The following CHRNA3 variants were observed in gnomAD, a reference collection of about 807,000 sequenced individuals.
The protein encoded by CHRNA3 is cholinergic receptor nicotinic alpha 3 subunit, also known as neuronal acetylcholine receptor subunit alpha-3.
In CHRNA3, 34 loss-of-function variants were observed where a neutral mutation model predicts 41.9. The observed-to-expected ratio is 0.81, with a 90% CI of 0.62 to 1.08. The LOEUF (loss-of-function observed/expected upper bound fraction) is 1.08. Among genes scored for constraint, CHRNA3 ranks in the 50% least tolerant of loss-of-function variants. The pLI is 0.00. For missense variants in CHRNA3, 542 were observed against 638.3 expected (o/e 0.85, Z 1.63); for synonymous variants, 281 against 265.2 (o/e 1.06, Z -0.58).
At position 78,601,328 on chromosome 15, in the gene CHRNA3, T is replaced by C. The variant is rs201890422; in HGVS notation, c.1314A>G (p.Ser438=). 6.2e-7 allele frequency: 1 copy of C among 1,614,212 alleles called. No homozygotes were observed. Residue 438 remains serine, a synonymous_variant, in exon 5 of 6, where the codon TCA becomes TCG. Transcript: ENST00000326828. ...TTTGGATGGCTTCTTTGATTTCTGG[T>C]GACAAAGCAGAGAGGGACAGCACAG... ...VDAVLSLSAL[S]PEIKEAIQSV... is the part of the protein sequence containing the mutation.
chr15:78,604,845 T>G (rs572374699), intron 4 of CHRNA3, among the ~76,000 whole-genome samples: 1 of 152,256 alleles, frequency 6.6e-6, no homozygotes, highest in Admixed American at 6.5e-5. Flanking sequence ...AAACCCCATC[T>G]CTACTAAAAA....
chr15:78,598,832 G>A (rs1016839736), intron 5 of CHRNA3, among the ~76,000 whole-genome samples: 23 of 141,728 alleles, frequency 1.6e-4, no homozygotes, highest in African/African-American at 4.5e-4. Flanking sequence ...CACTGCACCC[G>A]GCATTTTTTT....
rs770085955 is a variant in CHRNA3, at chr15:78,601,360, C to T, written c.1282G>A (p.Val428Ile). The T allele has an allele frequency of 3.1e-6, 5 of 1,614,088 alleles. No individual in the cohort carries two copies. The highest frequency in any genetic ancestry group is 3.4e-6 in the Non-Finnish European group (4 of 1,180,054). ...GCAGAGAGGGACAGCACAGCATCAA[C>T]AGATTCAGAACTAGAGCTTCTCGTG... ...NLTRSSSSES[V>I]DAVLSLSALS... is the part of the protein sequence containing the mutation. Residue 428 changes from valine to isoleucine, a missense_variant, in exon 5 of 6, where the codon GTT becomes ATT. Physicochemically the swap from Val to Ile is conservative, Grantham distance 29. Coordinates refer to ENST00000326828, the MANE Select transcript of CHRNA3 (RefSeq NM_000743.5).
At chr15:78,616,644 C>A (rs2053467004) in intron 4 of CHRNA3, among the ~76,000 whole-genome samples, 1 of 152,162 alleles carries the variant, frequency 6.6e-6, no homozygotes, top group Non-Finnish European at 1.5e-5. Context: ...ACAGTCCAGC[C>A]AATGAGGTCA....
chr15:78,614,764 C>T (rs1158581581), intron 4 of CHRNA3, among the ~76,000 whole-genome samples: 1 of 152,060 alleles, frequency 6.6e-6, no homozygotes, highest in Non-Finnish European at 1.5e-5. Context: ...AATGCAGGTA[C>T]AAAAATGATA....
chr15:78,596,567 A>G lies in CHRNA3; in HGVS notation c.*37T>C, dbSNP rs1369452110. On this transcript the variant is annotated 3_prime_UTR_variant, in exon 6 of 6. Transcript: ENST00000326828. Reference sequence around the variant, plus strand: ...GGAAGCAGCCTCCTCCTGCCCTGACACAAGGAAGTCTCCCAGGCAGGCACA... The same window carrying G: ...GGAAGCAGCCTCCTCCTGCCCTGACGCAAGGAAGTCTCCCAGGCAGGCACA... 6.7e-7 allele frequency: 1 copy of G among 1,491,554 alleles called. No homozygotes were observed. The highest frequency in any genetic ancestry group is 8.9e-7 in the Non-Finnish European group (1 of 1,121,742). 92.4% of individuals were successfully genotyped at this position (1,491,554 alleles called of 1,614,324 possible).
chr15:78,603,634 G>A (rs912538516), intron 4 of CHRNA3, among the ~76,000 whole-genome samples: 6 of 152,156 alleles, frequency 3.9e-5, no homozygotes, highest in African/African-American at 1.4e-4. Flanking sequence ...GTAATTGGAT[G>A]GGAACCTGTG....
downstream of CHRNA3, chr15:78,593,103 T>G (rs778479885): frequency 6.2e-7 from 1 of 1,605,790 alleles, no homozygotes. Context: ...TTGTTGAAGA[T>G]TGGAAATTCA....
At chr15:78,603,521 C>A (rs1044290225) in intron 4 of CHRNA3, among the ~76,000 whole-genome samples, 1 of 152,216 alleles carries the variant, frequency 6.6e-6, no homozygotes, top group African/African-American at 2.4e-5. Flanking sequence ...AGTTTCTTAG[C>A]CTTGTGAAGG....
intron 4 of CHRNA3, among the ~76,000 whole-genome samples, chr15:78,613,618 C>T (rs1596081685): frequency 6.6e-6 from 1 of 150,454 alleles, no homozygotes; most frequent in Admixed American, 6.6e-5. Flanking sequence ...ATACCTAATG[C>T]TAAATGACGA....
chr15:78,602,578 T>C (rs1271680241), intron 4 of CHRNA3, among the ~76,000 whole-genome samples: 2 of 152,018 alleles, frequency 1.3e-5, no homozygotes, highest in Non-Finnish European at 2.9e-5. Flanking sequence ...CCCCCTTTAA[T>C]TAAAGAAATG....
Position 78,595,440 on chromosome 15 carries a change from A to C in CHRNA3, c.*1164T>G. On this transcript the variant is annotated 3_prime_UTR_variant, in exon 6 of 6. Transcript: ENST00000326828. Reference sequence around the variant, plus strand: ...AGTGTAGTACATGATACTCTTAACAATTTGTCTAAAGCAATGTTTCTCAAC... The same window carrying C: ...AGTGTAGTACATGATACTCTTAACACTTTGTCTAAAGCAATGTTTCTCAAC... 1 of 984,750 alleles carries C rather than the reference A, an allele frequency of 1.0e-6. No individual in the cohort carries two copies. Among genetic ancestry groups the C allele is most frequent in the Non-Finnish European group, 1.2e-6 (1 of 829,332 alleles). The allele number at this position is 984,750 out of a possible 1,614,324, so 61.0% of individuals were successfully genotyped here. A position where few individuals can be genotyped will look rare whatever the true frequency, so the allele number is the denominator to read the frequency against.
chr15:78,604,648 CTG>C (rs1240097728), intron 4 of CHRNA3, among the ~76,000 whole-genome samples: 3 of 152,174 alleles, frequency 2.0e-5, no homozygotes, highest in East Asian at 1.9e-4. Flanking sequence ...CAGCTGGAGA[CTG>C]GGGTCTGGCA....
rs1405436685 is a variant in CHRNA3, at chr15:78,596,148, T to C, written c.*456A>G. 2 of 985,668 alleles carry C rather than the reference T, an allele frequency of 2.0e-6. No homozygotes were observed. The highest frequency in any genetic ancestry group is 2.3e-4 in the East Asian group (2 of 8,780). 61.1% of individuals were successfully genotyped at this position (985,668 alleles called of 1,614,324 possible). A position where few individuals can be genotyped will look rare whatever the true frequency, so the allele number is the denominator to read the frequency against. On this transcript the variant is annotated 3_prime_UTR_variant, in exon 6 of 6. Transcript: ENST00000326828. ...GACCCAGTAAAGAACGAGAAATGCA[T>C]GGTAAGAAATGGGTAACGATGGGGG...
intron 1 of CHRNA3, 89 bp downstream of exon 1, chr15:78,620,624 C>G: frequency 1.4e-6 from 2 of 1,436,330 alleles, no homozygotes; most frequent in South Asian, 2.8e-5. Flanking sequence ...TCCGCTCGCC[C>G]GCGCGGTGTT....
chr15:78,595,075 T>C (rs1328051640), downstream of CHRNA3: 1 of 153,756 alleles, frequency 6.5e-6, no homozygotes, highest in Admixed American at 6.5e-5. Context: ...CAATGCTCTT[T>C]GGAAGGCGGA....
intron 3 of CHRNA3, 198 bp downstream of exon 3, chr15:78,618,419 T>C (rs1244830152): frequency 1.6e-6 from 1 of 612,022 alleles, no homozygotes; most frequent in Non-Finnish European, 2.9e-6. Context: ...GGTTGGGCCC[T>C]ACAGTCCTTC....
chr15:78,619,004 T>A (rs988191155), intron 1 of CHRNA3, 89 bp from the exon 2 acceptor site: 2 of 1,435,244 alleles, frequency 1.4e-6, no homozygotes, highest in South Asian at 1.2e-5. Context: ...ATCTACAGCA[T>A]CCCCTCCACC....
At position 78,601,964 on chromosome 15, in the gene CHRNA3, C is replaced by G; in HGVS notation, c.678G>C (p.Glu226Asp). ...GCGAGTATGTGATGTCGGGGTAGATCTCCTCGCAGCAGTTGTACTTGATGT... is the reference window on the plus strand; with the variant it reads ...GCGAGTATGTGATGTCGGGGTAGATGTCCTCGCAGCAGTTGTACTTGATGT... ...KHDIKYNCCE[E>D]IYPDITYSLY... Residue 226 changes from glutamate (E) to aspartate (D), a missense_variant, in exon 5 of 6, where the codon GAG (glutamate) becomes GAC (aspartate). Glu to Asp is a conservative substitution (Grantham distance 45). Transcript: ENST00000326828. The G allele has an allele frequency of 6.2e-7, 1 of 1,613,532 alleles. No individual in the cohort carries two copies. Among genetic ancestry groups the G allele is most frequent in the African/African-American group, 1.3e-5 (1 of 75,004 alleles).
Sources: allele counts gnomAD v4.1 joint callset (sites outside exome capture counted in the v4.1 genomes callset), GRCh38; gene constraint gnomAD v4.1.1; transcripts MANE v1.5; gene names NCBI Gene and HGNC (gene_info 2026-07-23, HGNC 2026-07-21).